FGF14: variants seen among roughly 807,000 people sequenced by gnomAD.
FGF14 encodes fibroblast growth factor 14, also known as fibroblast growth factor homologous factor 4.
Under a neutral mutation model 25.5 loss-of-function variants are expected in FGF14, and 5 were observed. The ratio of observed to expected loss-of-function variants is 0.20; its 90% CI spans 0.10 to 0.41. The LOEUF (loss-of-function observed/expected upper bound fraction) is 0.41. Ranked by LOEUF, FGF14 falls within the 10% of genes least tolerant of loss-of-function variation. The pLI, the probability that FGF14 is intolerant of heterozygous loss-of-function variation, is 1.00. For synonymous variants in FGF14, 138 were observed against 118.3 expected, an observed-to-expected ratio of 1.17 and a Z score of -1.08; for missense variants, 222 against 320.1, an observed-to-expected ratio of 0.69 and a Z score of 2.34.
intron 1 of FGF14, among the ~76,000 whole-genome samples, chr13:101,991,564 G>A (rs772668176): frequency 5.3e-5 from 8 of 152,050 alleles, no homozygotes; most frequent in Non-Finnish European, 1.0e-4. Flanking sequence ...GGCTGGATAA[G>A]CTAAAAATCA....
At chr13:102,088,380 A>G (rs1199734908) in intron 1 of FGF14, among the ~76,000 whole-genome samples, 1 of 152,168 alleles carries the variant, frequency 6.6e-6, no homozygotes, top group African/African-American at 2.4e-5. Context: ...ATGAAAATGA[A>G]TCTTAAAGTG....
intron 1 of FGF14, among the ~76,000 whole-genome samples, chr13:102,316,994 AGGCCATTTTCCATCTTTTTTTG>A (rs1281869587): frequency 6.6e-6 from 1 of 152,042 alleles, no homozygotes; most frequent in Non-Finnish European, 1.5e-5. Context: ...TGGCTTTTTT[AGGCCATTTTCCATCTTTTTTTG>A]GGCCATTTTC....
chr13:102,120,892 C>T (rs189031624), intron 1 of FGF14, among the ~76,000 whole-genome samples: 3 of 152,040 alleles, frequency 2.0e-5, no homozygotes, highest in East Asian at 1.9e-4. Context: ...TTAGTAGAGA[C>T]GGGGTTTCAC....
intron 1 of FGF14, among the ~76,000 whole-genome samples, chr13:102,149,276 C>A (rs905580179): frequency 6.6e-6 from 1 of 151,732 alleles, no homozygotes; most frequent in African/African-American, 2.4e-5. Flanking sequence ...TCTCTTATGG[C>A]GAATTCTAAG....
At chr13:101,865,080 C>T (rs574122781) in intron 3 of FGF14, among the ~76,000 whole-genome samples, 2 of 152,186 alleles carry the variant, frequency 1.3e-5, no homozygotes, top group African/African-American at 4.8e-5. Context: ...GTCTCTTTTA[C>T]GTCCTTCTTT....
At chr13:102,205,021 A>C (rs2049843533) in intron 1 of FGF14, among the ~76,000 whole-genome samples, 1 of 152,198 alleles carries the variant, frequency 6.6e-6, no homozygotes, top group Non-Finnish European at 1.5e-5. Flanking sequence ...CAATCAGAGT[A>C]TATGTATTTT....
At chr13:101,918,587 TAC>T (rs2033754379), upstream of FGF14, among the ~76,000 whole-genome samples, 1 of 152,198 alleles carries the variant, frequency 6.6e-6, no homozygotes, top group Non-Finnish European at 1.5e-5. Context: ...GGCAGTAGAG[TAC>T]TCGCCACCAG....
intron 1 of FGF14, among the ~76,000 whole-genome samples, chr13:102,121,003 C>T (rs974197662): frequency 6.6e-6 from 1 of 152,144 alleles, no homozygotes; most frequent in African/African-American, 2.4e-5. Context: ...CGCGCCCGGC[C>T]GAAAAGTGAT....
Position 102,400,437 on chromosome 13 carries a change from G to T in FGF14, c.208+1034C>A, listed in dbSNP as rs898566765. Among the ~76,000 whole-genome samples, 3 of 152,160 alleles carry T rather than the reference G, an allele frequency of 2.0e-5. No homozygotes were observed. The highest frequency in any genetic ancestry group is 7.2e-5 in the African/African-American group (3 of 41,438). Reference sequence around the variant, plus strand: ...CACACACTCCCGGCTGCCAGCGTGAGCGGTTCCGGGAAAGGCTGCGCCCAG... The same window carrying T: ...CACACACTCCCGGCTGCCAGCGTGATCGGTTCCGGGAAAGGCTGCGCCCAG... On this transcript the variant is annotated intron_variant, in intron 1 of 4. Transcript: ENST00000376131. This position sits in a 1 kb window ranked among gnomAD's most constrained non-coding sequence, Gnocchi z 4.3.
At chr13:102,036,102 T>G (rs1486770397) in intron 1 of FGF14, among the ~76,000 whole-genome samples, 1 of 152,040 alleles carries the variant, frequency 6.6e-6, no homozygotes, top group Non-Finnish European at 1.5e-5. Flanking sequence ...TCCCAGGTAT[T>G]TCAGACACAG....
At chr13:101,752,165 G>C (rs2037328001) in intron 3 of FGF14, among the ~76,000 whole-genome samples, 2 of 152,032 alleles carry the variant, frequency 1.3e-5, no homozygotes, top group Non-Finnish European at 2.9e-5. Context: ...ACTCCTATCA[G>C]TAAATATGAA....
intron 1 of FGF14, among the ~76,000 whole-genome samples, chr13:102,243,414 T>A (rs543999291): frequency 6.6e-6 from 1 of 152,096 alleles, no homozygotes; most frequent in East Asian, 1.9e-4. Flanking sequence ...AAATAGATTA[T>A]GTAACTGTAT....
intron 1 of FGF14, among the ~76,000 whole-genome samples, chr13:102,298,042 T>C (rs1235235818): frequency 6.6e-6 from 1 of 151,972 alleles, no homozygotes; most frequent in African/African-American, 2.4e-5. Flanking sequence ...AAATCACAAG[T>C]ATAATTGCAA....
intron 1 of FGF14, among the ~76,000 whole-genome samples, chr13:102,034,783 A>C (rs980360358): frequency 3.3e-5 from 5 of 152,146 alleles, no homozygotes; most frequent in African/African-American, 9.7e-5. Flanking sequence ...CTATGCCACG[A>C]AACTTTAAAA....
intron 3 of FGF14, among the ~76,000 whole-genome samples, chr13:101,769,561 C>T (rs2038626311): frequency 6.6e-6 from 1 of 152,100 alleles, no homozygotes; most frequent in African/African-American, 2.4e-5. Flanking sequence ...ACCAAGATGG[C>T]CTTCAGTAGG....
chr13:101,870,782 C>T (rs569015138), intron 2 of FGF14, among the ~76,000 whole-genome samples: 9 of 151,926 alleles, frequency 5.9e-5, no homozygotes, highest in African/African-American at 2.2e-4. Flanking sequence ...GGTGAAACCT[C>T]GTCTCTACTA....
At chr13:101,990,120 T>C (rs950448415) in intron 1 of FGF14, among the ~76,000 whole-genome samples, 3 of 152,130 alleles carry the variant, frequency 2.0e-5, no homozygotes, top group Non-Finnish European at 4.4e-5. Context: ...AAAACTCTAA[T>C]TGAATCTCTG....
intron 1 of FGF14, among the ~76,000 whole-genome samples, chr13:101,961,637 G>A (rs973512384): frequency 3.9e-5 from 6 of 152,138 alleles, no homozygotes; most frequent in Non-Finnish European, 8.8e-5. Flanking sequence ...GGAGCTAATT[G>A]AATCATGGGG....
chr13:102,106,227 T>C (rs1011691171), intron 1 of FGF14, among the ~76,000 whole-genome samples: 20 of 152,200 alleles, frequency 1.3e-4, no homozygotes, highest in African/African-American at 4.6e-4. Context: ...CTAATTTGCA[T>C]GTACTTTGCT....
Sources: allele counts gnomAD v4.1 joint callset (sites outside exome capture counted in the v4.1 genomes callset), GRCh38; gene constraint gnomAD v4.1.1; non-coding constraint Gnocchi (gnomAD v3.1); transcripts MANE v1.5; gene names NCBI Gene and HGNC (gene_info 2026-07-23, HGNC 2026-07-21).